Variants in ITPR1 observed in about 807,000 individuals in gnomAD.
The protein encoded by ITPR1 is inositol 1,4,5-trisphosphate receptor type 1, also known as inositol 1,4,5-trisphosphate-gated calcium channel ITPR1.
A neutral mutation model predicts 318.4 loss-of-function variants in ITPR1; 96 were observed. The observed-to-expected ratio is 0.30, with a 90% CI of 0.26 to 0.36. The LOEUF is 0.36. ITPR1 is among the 10% of genes least tolerant of loss of function. The pLI is 1.00. For missense variants in ITPR1, 2,440 were observed against 3,460.2 expected (o/e 0.71, Z 7.40); for synonymous variants, 1,312 against 1,289.9 (o/e 1.02, Z -0.37).
At chr3:4,718,914 A>G (rs542476204) in intron 40 of ITPR1, among the ~76,000 whole-genome samples, 2 of 152,342 alleles carry the variant, frequency 1.3e-5, no homozygotes, top group South Asian at 4.1e-4. Context: ...AGAGTTGTAA[A>G]TGCCTCACTG....
In ITPR1 at chr3:4,599,835, A is replaced by G. The variant is rs186220640; in HGVS notation, c.164-27928A>G. Among the ~76,000 whole-genome samples the G allele has an allele frequency of 5.9e-5, 9 of 152,310 alleles. No individual in the cohort carries two copies. The East Asian group carries it at 1.5e-3, about 26-fold the overall frequency. On this transcript the variant is annotated intron_variant, in intron 4 of 61. Transcript: ENST00000649015. Reference sequence around the variant, plus strand: ...GATCAGTCTTGGAGTGGACAGTGTCAGGTTGGAGTGCCAATATGTAGGGTG... The same window carrying G: ...GATCAGTCTTGGAGTGGACAGTGTCGGGTTGGAGTGCCAATATGTAGGGTG...
chr3:4,586,950 C>T (rs9881084), intron 4 of ITPR1, among the ~76,000 whole-genome samples: 2,104 of 152,142 alleles, frequency 0.014, 49 homozygotes, highest in African/African-American at 0.048. Context: ...CTCCGACCTG[C>T]GGGTTCTCTA....
intron 4 of ITPR1, among the ~76,000 whole-genome samples, chr3:4,564,992 C>T (rs760288508): frequency 3.3e-5 from 5 of 152,152 alleles, no homozygotes; most frequent in Non-Finnish European, 7.4e-5. Flanking sequence ...AATGAAAATA[C>T]GGACAATACC....
Position 4,735,209 on chromosome 3 carries a change from T to A in ITPR1, c.5399T>A (p.Leu1800Gln). 1 of 1,614,020 alleles carries A rather than the reference T, an allele frequency of 6.2e-7. No individual in the cohort carries two copies. Among genetic ancestry groups the A allele is most frequent in the Non-Finnish European group, 8.5e-7 (1 of 1,179,866 alleles). Reference protein sequence around the residue: ...SSSMSRGEMSLAEVQCHLDKE... With the variant: ...SSSMSRGEMSQAEVQCHLDKE... ...TCTATGAGCAGGGGTGAGATGAGTC[T>A]GGCCGAGGTTCAGTGTCACCTTGAC... is the stretch of plus-strand genomic sequence containing the variant. The change falls in exon 44 of 62, where the codon CTG becomes CAG. Residue 1800 changes from leucine (L) to glutamine (Q), a missense_variant. Transcript: ENST00000649015.
rs1263032822 is a variant in ITPR1 at position 4,711,825 on chromosome 3, C to G, written c.5060C>G (p.Thr1687Ser). ...AAGCTCTGCATTAAGGTCCTACAGA[C>G]CCTGAGGGAAATGATGACCAAAGAT... is the stretch of plus-strand genomic sequence containing the variant. ...EEKLCIKVLQ[T>S]LREMMTKDRG... The change falls in exon 39 of 62, where the codon ACC becomes AGC. Residue 1687 changes from threonine to serine, a missense_variant. By Grantham distance (58) the Thr-to-Ser change is moderately conservative. Transcript: ENST00000649015. 1.9e-6 allele frequency: 3 copies of G among 1,547,390 alleles called. No individual in the cohort carries two copies. Among genetic ancestry groups the G allele is most frequent in the Non-Finnish European group, 2.6e-6 (3 of 1,144,244 alleles).
At chr3:4,496,538 G>A (rs1168473066) in intron 2 of ITPR1, among the ~76,000 whole-genome samples, 1 of 152,156 alleles carries the variant, frequency 6.6e-6, no homozygotes, top group Non-Finnish European at 1.5e-5. Flanking sequence ...GTCTTTTGGA[G>A]GGAATTGGCA....
intron 2 of ITPR1, among the ~76,000 whole-genome samples, chr3:4,513,116 T>C (rs1228196738): frequency 1.3e-5 from 2 of 152,136 alleles, no homozygotes; most frequent in Non-Finnish European, 2.9e-5. Flanking sequence ...CACGATCAGA[T>C]AAAGAGGCGG....
At chr3:4,677,999 T>C (rs1030476711) in intron 24 of ITPR1, among the ~76,000 whole-genome samples, 1 of 152,166 alleles carries the variant, frequency 6.6e-6, no homozygotes, top group Non-Finnish European at 1.5e-5. Context: ...AATCATCTGC[T>C]CCTTAATGGA....
intron 4 of ITPR1, among the ~76,000 whole-genome samples, chr3:4,620,629 T>C (rs373547117): frequency 2.7e-4 from 41 of 151,938 alleles, no homozygotes; most frequent in African/African-American, 9.9e-4. Context: ...AAGATTGATT[T>C]GGGTTTTGTA....
At chr3:4,704,988 A>G (rs1416324870) in intron 36 of ITPR1, among the ~76,000 whole-genome samples, 3 of 152,118 alleles carry the variant, frequency 2.0e-5, no homozygotes, top group Non-Finnish European at 2.9e-5. Context: ...ACTGTTAGAA[A>G]GTTGTTGGCT....
chr3:4,668,741 C>G (rs1480859114), intron 18 of ITPR1, among the ~76,000 whole-genome samples: 1 of 152,224 alleles, frequency 6.6e-6, no homozygotes, highest in Non-Finnish European at 1.5e-5. Context: ...GCTGGGATTA[C>G]AGGCGTGAGC....
intron 44 of ITPR1, among the ~76,000 whole-genome samples, chr3:4,761,148 A>G (rs1478849586): frequency 1.3e-5 from 2 of 151,956 alleles, no homozygotes; most frequent in South Asian, 2.1e-4. Context: ...TTCAACTTTT[A>G]TTTTAGATTC....
At chr3:4,732,111 C>A (rs994942582) in intron 42 of ITPR1, among the ~76,000 whole-genome samples, 6 of 152,098 alleles carry the variant, frequency 3.9e-5, no homozygotes, top group African/African-American at 1.4e-4. Flanking sequence ...GGTCTTGGGG[C>A]CCCTTAGGAG....
chr3:4,728,649 G>C (rs567850464), intron 42 of ITPR1, among the ~76,000 whole-genome samples: 5 of 152,304 alleles, frequency 3.3e-5, no homozygotes, highest in Non-Finnish European at 7.4e-5. Context: ...ATTGTTGACT[G>C]TAGTCACCCT....
chr3:4,558,422 G>C (rs769460490), intron 4 of ITPR1, among the ~76,000 whole-genome samples: 1 of 152,018 alleles, frequency 6.6e-6, no homozygotes, highest in African/African-American at 2.4e-5. Context: ...TACAAAGCTC[G>C]TGGTTATAAA....
At chr3:4,542,083 A>G (rs1279230321) in intron 4 of ITPR1, among the ~76,000 whole-genome samples, 2 of 152,160 alleles carry the variant, frequency 1.3e-5, no homozygotes, top group Non-Finnish European at 2.9e-5. Context: ...CCATTTCTAA[A>G]TGTTCTATTT....
intron 40 of ITPR1, among the ~76,000 whole-genome samples, chr3:4,721,178 A>G (rs1251689502): frequency 3.1e-4 from 3 of 9,696 alleles, no homozygotes; most frequent in East Asian, 0.025. Context: ...GCGTGTATAT[A>G]TATATATATA....
chr3:4,608,602 G>T (rs9874201), intron 4 of ITPR1, among the ~76,000 whole-genome samples: 1 of 151,902 alleles, frequency 6.6e-6, no homozygotes, highest in African/African-American at 2.4e-5. Flanking sequence ...TTAGAACTAG[G>T]GAGTGGGGTG....
At chr3:4,721,006 A>G (rs1466220751) in intron 40 of ITPR1, among the ~76,000 whole-genome samples, 1 of 151,828 alleles carries the variant, frequency 6.6e-6, no homozygotes, top group Non-Finnish European at 1.5e-5. Context: ...TTCAGCAGTA[A>G]TTGCCAATAA....
Sources: gnomAD v4.1 joint callset for allele counts (sites outside exome capture counted in the v4.1 genomes callset) on GRCh38, gnomAD v4.1.1 for gene constraint, MANE v1.5 for transcripts, NCBI Gene and HGNC (gene_info 2026-07-23, HGNC 2026-07-21) for gene names.